Variants in DNAJC6 observed in about 807,000 individuals in gnomAD.
The protein encoded by DNAJC6 is DnaJ heat shock protein family (Hsp40) member C6.
In DNAJC6, 34 loss-of-function variants were observed where a neutral mutation model predicts 110.0. That is an observed-to-expected ratio of 0.31 (90% CI 0.24 to 0.41). DNAJC6 has a LOEUF of 0.41. DNAJC6 is among the 10% of genes least tolerant of loss of function. The probability of loss-of-function intolerance (pLI) is 1.00; values close to 1 mark genes in which losing one functional copy is unlikely to be tolerated. For missense variants in DNAJC6, 1,031 were observed against 1,207.8 expected (o/e 0.85, Z 2.17); for synonymous variants, 406 against 437.2 (o/e 0.93, Z 0.89).
At chr1:65,309,509 G>A (rs1645076491), upstream of DNAJC6, 3 of 1,062,126 alleles carry the variant, frequency 2.8e-6, no homozygotes, top group Non-Finnish European at 2.3e-6. Flanking sequence ...GCCCGGCCGC[G>A]TCTCCTTCCC....
intron 1 of DNAJC6, among the ~76,000 whole-genome samples, chr1:65,273,187 C>T (rs1237062645): frequency 6.6e-6 from 1 of 152,086 alleles, no homozygotes; most frequent in Non-Finnish European, 1.5e-5. Flanking sequence ...TTTATTATTT[C>T]CTCTTACACT....
intron 1 of DNAJC6, among the ~76,000 whole-genome samples, chr1:65,319,061 T>C (rs1017307886): frequency 3.3e-5 from 5 of 152,018 alleles, no homozygotes; most frequent in African/African-American, 1.2e-4. Context: ...TGGGAAAAAG[T>C]CAGCCTGGGG....
intron 2 of DNAJC6, 51 bp downstream of exon 2, chr1:65,364,836 A>T (rs1304149680): frequency 1.2e-6 from 2 of 1,600,126 alleles, no homozygotes; most frequent in Non-Finnish European, 1.7e-6. Context: ...CTCTCAAAGG[A>T]TCTGGTTACC....
rs1646104334 is a variant in DNAJC6, at chr1:65,409,166, C to T, written c.2634+383C>T. 2.6e-5 allele frequency among the ~76,000 whole-genome samples: 4 copies of T among 152,090 alleles called. No homozygotes were observed. In the South Asian group the frequency reaches 8.3e-4, roughly 32 times the overall value. On this transcript the variant is annotated intron_variant, in intron 17 of 18. Coordinates refer to ENST00000371069, the MANE Select transcript of DNAJC6 (RefSeq NM_001256864.2). ...AACTAATCACCTCCCAATAGGAAGCCCTAACCTCCTAATACCATCACCTCT... is the reference window on the plus strand; with the variant it reads ...AACTAATCACCTCCCAATAGGAAGCTCTAACCTCCTAATACCATCACCTCT...
At chr1:65,319,851 A>G (rs1396267261) in intron 1 of DNAJC6, among the ~76,000 whole-genome samples, 1 of 150,324 alleles carries the variant, frequency 6.7e-6, no homozygotes, top group South Asian at 2.1e-4. Flanking sequence ...TCTCTTTCCC[A>G]CCCATCTTCA....
chr1:65,282,904 G>A (rs1235651051), intron 1 of DNAJC6, among the ~76,000 whole-genome samples: 1 of 152,142 alleles, frequency 6.6e-6, no homozygotes, highest in Non-Finnish European at 1.5e-5. Flanking sequence ...ATGGAACCTG[G>A]CATACATGAG....
At chr1:65,310,158 G>T in intron 1 of DNAJC6, among the ~76,000 whole-genome samples, 1 of 151,710 alleles carries the variant, frequency 6.6e-6, no homozygotes, top group Non-Finnish European at 1.5e-5. Flanking sequence ...AGAGACTGTA[G>T]CGAGCTCCTC....
intron 1 of DNAJC6, among the ~76,000 whole-genome samples, chr1:65,277,591 C>A (rs1023057573): frequency 6.6e-6 from 1 of 151,554 alleles, no homozygotes; most frequent in African/African-American, 2.4e-5. Flanking sequence ...AAGGGTACTG[C>A]TTCACTTTTG....
chr1:65,360,809 G>T (rs186386353), intron 1 of DNAJC6, among the ~76,000 whole-genome samples: 1 of 152,222 alleles, frequency 6.6e-6, no homozygotes, highest in Admixed American at 6.5e-5. Context: ...ACAGAGGCTC[G>T]GCTGCCTGCG....
At position 65,294,006 on chromosome 1, in the gene DNAJC6, A is replaced by G. The variant is rs146128100; in HGVS notation, c.-131+29074A>G. Among the ~76,000 whole-genome samples, 4 of 152,344 alleles carry G rather than the reference A, an allele frequency of 2.6e-5. No individual in the cohort carries two copies. In the East Asian group the frequency reaches 7.7e-4, roughly 29 times the overall value. On this transcript the variant is annotated intron_variant, in intron 1 of 19. Coordinates refer to the DNAJC6 transcript ENST00000263441. ...TTCACTCAGTTATCTTAACTAAAAAACAAGTTTCTTGTTAATTTGCAGGGT... is the reference window on the plus strand; with the variant it reads ...TTCACTCAGTTATCTTAACTAAAAAGCAAGTTTCTTGTTAATTTGCAGGGT...
intron 4 of DNAJC6, among the ~76,000 whole-genome samples, chr1:65,379,070 G>A (rs1161955133): frequency 1.3e-5 from 2 of 152,012 alleles, no homozygotes; most frequent in African/African-American, 4.8e-5. Flanking sequence ...TTTGGGGGGA[G>A]GTCAAAACAT....
intron 1 of DNAJC6, among the ~76,000 whole-genome samples, chr1:65,296,510 A>G (rs894002881): frequency 2.6e-5 from 4 of 152,138 alleles, no homozygotes; most frequent in Non-Finnish European, 5.9e-5. Context: ...TGGGTGCTAA[A>G]CAGCGTAGAA....
chr1:65,408,099 A>C (rs1406375040), intron 16 of DNAJC6, among the ~76,000 whole-genome samples: 1 of 152,262 alleles, frequency 6.6e-6, no homozygotes. Flanking sequence ...AATAAGTGGC[A>C]GAGCTGGAAT....
intron 1 of DNAJC6, among the ~76,000 whole-genome samples, chr1:65,344,796 G>A (rs1171226974): frequency 6.6e-6 from 1 of 152,050 alleles, no homozygotes; most frequent in Non-Finnish European, 1.5e-5. Flanking sequence ...AGTTAACATG[G>A]GATCCAGGGA....
At chr1:65,283,030 A>G (rs1653902019) in intron 1 of DNAJC6, among the ~76,000 whole-genome samples, 1 of 152,202 alleles carries the variant, frequency 6.6e-6, no homozygotes. Flanking sequence ...ATGTACAATG[A>G]TATCCTATGC....
rs144798261 is a variant in DNAJC6, at chr1:65,408,171, C to G, written c.2492-470C>G. On this transcript the variant is annotated intron_variant, in intron 16 of 18. Coordinates refer to ENST00000371069, the MANE Select transcript of DNAJC6 (RefSeq NM_001256864.2). The stretch of plus-strand genomic sequence containing the variant: ...CTAGCCACCATGCTCGGCTGCCTCT[C>G]CAAACAAATTGAGAAAGATTAAGAG... Among the ~76,000 whole-genome samples the G allele has an allele frequency of 2.7e-3, 405 of 152,222 alleles. 4 individuals carry two copies. The highest frequency in any genetic ancestry group is 8.7e-3 in the African/African-American group (363 of 41,532).
At chr1:65,307,028 A>G (rs1456205208), upstream of DNAJC6, among the ~76,000 whole-genome samples, 3 of 146,568 alleles carry the variant, frequency 2.0e-5, no homozygotes, top group African/African-American at 5.0e-5. Context: ...CTATATATAT[A>G]TATATATATA....
At chr1:65,398,787 A>C in intron 13 of DNAJC6, 26 bp from the exon 14 acceptor site, 1 of 1,613,570 alleles carries the variant, frequency 6.2e-7, no homozygotes, top group Non-Finnish European at 8.5e-7. Context: ...TCTTGTTCTC[A>C]TTCTTTTTCT....
intron 1 of DNAJC6, among the ~76,000 whole-genome samples, chr1:65,345,941 C>T (rs1042303407): frequency 6.6e-6 from 1 of 152,138 alleles, no homozygotes; most frequent in Non-Finnish European, 1.5e-5. Flanking sequence ...GAAGCTGACC[C>T]CACAGCTAGC....
Sources: gnomAD v4.1 joint callset for allele counts (sites outside exome capture counted in the v4.1 genomes callset) on GRCh38, gnomAD v4.1.1 for gene constraint, MANE v1.5 for transcripts, NCBI Gene and HGNC (gene_info 2026-07-23, HGNC 2026-07-21) for gene names.